Variants in TTC28 observed in about 807,000 individuals in gnomAD.
The protein encoded by TTC28 is tetratricopeptide repeat domain 28, also known as tetratricopeptide repeat protein 28.
Under a neutral mutation model 198.0 loss-of-function variants are expected in TTC28, and 61 were observed. The observed-to-expected ratio is 0.31, with a 90% CI of 0.25 to 0.38. The LOEUF (loss-of-function observed/expected upper bound fraction) is 0.38, where lower values mean the gene tolerates loss of function less well. Among genes scored for constraint, TTC28 ranks in the 10% least tolerant of loss-of-function variants. The probability of loss-of-function intolerance (pLI) is 1.00; values close to 1 mark genes in which losing one functional copy is unlikely to be tolerated. For synonymous variants in TTC28, 1,171 were observed against 1,297.8 expected (o/e 0.90, Z 2.10); for missense variants, 2,678 against 3,164.0 (o/e 0.85, Z 3.69).
At chr22:28,032,582 A>C (rs1023147667) in intron 12 of TTC28, among the ~76,000 whole-genome samples, 1 of 152,156 alleles carries the variant, frequency 6.6e-6, no homozygotes, top group East Asian at 1.9e-4. Flanking sequence ...ATTTAATTTT[A>C]TCTCTATGAC....
At chr22:28,238,976 C>G (rs903891885) in intron 5 of TTC28, among the ~76,000 whole-genome samples, 6 of 152,214 alleles carry the variant, frequency 3.9e-5, no homozygotes, top group Non-Finnish European at 8.8e-5. Flanking sequence ...TGAGGTTCCT[C>G]TCCTTACGAC....
chr22:28,233,944 T>C (rs78890605), intron 5 of TTC28, among the ~76,000 whole-genome samples: 3,165 of 151,192 alleles, frequency 0.021, 115 homozygotes, highest in East Asian at 0.16. Context: ...AGTCTTGCTG[T>C]CGCCCAGGCT....
chr22:28,489,518 C>A (rs1426407617), intron 2 of TTC28, among the ~76,000 whole-genome samples: 2 of 152,134 alleles, frequency 1.3e-5, no homozygotes, highest in Admixed American at 6.5e-5. Flanking sequence ...TCATCCATAT[C>A]TTTTTGTTCT....
chr22:28,352,665 T>C (rs2046017745), intron 2 of TTC28, among the ~76,000 whole-genome samples: 1 of 152,030 alleles, frequency 6.6e-6, no homozygotes, highest in African/African-American at 2.4e-5. Context: ...GCAGGCTTCA[T>C]GCAAGCTGCT....
At chr22:28,589,331 G>A (rs1323799903) in intron 2 of TTC28, among the ~76,000 whole-genome samples, 7 of 152,108 alleles carry the variant, frequency 4.6e-5, no homozygotes, top group African/African-American at 7.2e-5. Context: ...GTTCCACATC[G>A]CCAAACTGAA....
chr22:28,256,514 G>C (rs919538344), intron 5 of TTC28, among the ~76,000 whole-genome samples: 2 of 150,954 alleles, frequency 1.3e-5, no homozygotes, highest in Non-Finnish European at 2.9e-5. Context: ...AGAAAGTAAA[G>C]ATTCAATGCG....
At chr22:28,339,851 CG>C (rs1261510075) in intron 2 of TTC28, among the ~76,000 whole-genome samples, 1 of 152,090 alleles carries the variant, frequency 6.6e-6, no homozygotes, top group Non-Finnish European at 1.5e-5. Context: ...CGTGAGGCGA[CG>C]CCTCACCCTT....
At chr22:28,079,514 C>T (rs993795138) in intron 12 of TTC28, among the ~76,000 whole-genome samples, 1 of 152,032 alleles carries the variant, frequency 6.6e-6, no homozygotes, top group African/African-American at 2.4e-5. Context: ...CCTTTTACCC[C>T]TCCTACCCAT....
chr22:28,198,392 A>C (rs911493782), intron 5 of TTC28, among the ~76,000 whole-genome samples: 23 of 152,182 alleles, frequency 1.5e-4, no homozygotes, highest in African/African-American at 5.3e-4. Context: ...GTAATGAGAA[A>C]GATGGATAAG....
intron 2 of TTC28, among the ~76,000 whole-genome samples, chr22:28,451,232 T>C (rs1476954437): frequency 6.6e-6 from 1 of 152,182 alleles, no homozygotes; most frequent in Non-Finnish European, 1.5e-5. Flanking sequence ...AGTGACGGGA[T>C]ATCATTGAAT....
chr22:28,174,626 CTGTT>C (rs1424619388), intron 5 of TTC28, among the ~76,000 whole-genome samples: 2 of 152,250 alleles, frequency 1.3e-5, no homozygotes, highest in Non-Finnish European at 2.9e-5. Flanking sequence ...GGCAGGAAGA[CTGTT>C]TGAGCCCAGG....
At chr22:28,548,728 C>G (rs760256218) in intron 2 of TTC28, among the ~76,000 whole-genome samples, 17 of 152,228 alleles carry the variant, frequency 1.1e-4, no homozygotes, top group Admixed American at 5.9e-4. Context: ...CACCACCTAT[C>G]AATCCAGCAT....
intron 2 of TTC28, among the ~76,000 whole-genome samples, chr22:28,576,612 C>A (rs1000417119): frequency 6.6e-6 from 1 of 152,066 alleles, no homozygotes; most frequent in African/African-American, 2.4e-5. Flanking sequence ...GCCATCAGAT[C>A]CTGGGGTTTC....
chr22:28,019,920 C>T (rs1232597715), intron 13 of TTC28, among the ~76,000 whole-genome samples: 1 of 152,234 alleles, frequency 6.6e-6, no homozygotes, highest in South Asian at 2.1e-4. Flanking sequence ...GAGTAGAACA[C>T]ACATGCACCC....
At chr22:28,348,219 G>A (rs1455269597) in intron 2 of TTC28, among the ~76,000 whole-genome samples, 1 of 152,218 alleles carries the variant, frequency 6.6e-6, no homozygotes, top group African/African-American at 2.4e-5. Context: ...AGAACTCACA[G>A]ATGTGGTCTA....
intron 2 of TTC28, among the ~76,000 whole-genome samples, chr22:28,500,951 A>C (rs2048529807): frequency 6.6e-6 from 1 of 152,184 alleles, no homozygotes; most frequent in Non-Finnish European, 1.5e-5. Flanking sequence ...TTTGCTTGCA[A>C]ACTTGCAAAA....
At chr22:27,994,829 A>C (rs994170793) in intron 17 of TTC28, among the ~76,000 whole-genome samples, 7 of 152,170 alleles carry the variant, frequency 4.6e-5, no homozygotes, top group African/African-American at 1.4e-4. Context: ...CCATTTCCCC[A>C]AAAAAGCAGT....
chr22:28,279,809 C>G (rs548880952), intron 5 of TTC28, among the ~76,000 whole-genome samples: 1 of 152,234 alleles, frequency 6.6e-6, no homozygotes, highest in Non-Finnish European at 1.5e-5. Flanking sequence ...CCAAAGACAA[C>G]CACTGATCTG....
At chr22:28,315,923 G>A (rs549882574) in intron 2 of TTC28, among the ~76,000 whole-genome samples, 13 of 152,316 alleles carry the variant, frequency 8.5e-5, no homozygotes, top group African/African-American at 1.7e-4. Flanking sequence ...TCTCAGCTGC[G>A]ATGAAGGGAT....
Sources: allele counts gnomAD v4.1 joint callset (sites outside exome capture counted in the v4.1 genomes callset), GRCh38; gene constraint gnomAD v4.1.1; transcripts MANE v1.5; gene names NCBI Gene and HGNC (gene_info 2026-07-23, HGNC 2026-07-21).